HS1BP3: variants seen among roughly 807,000 people sequenced by gnomAD.
HS1BP3 encodes HCLS1-binding protein 3.
Under a neutral mutation model 33.5 loss-of-function variants are expected in HS1BP3, and 32 were observed. The observed-to-expected ratio is 0.95, with a 90% CI of 0.72 to 1.28. HS1BP3 has a LOEUF of 1.28. HS1BP3 is among the 50% of genes most tolerant of loss of function. HS1BP3 has a pLI of 0.00. For synonymous variants in HS1BP3, 187 were observed against 209.2 expected, an observed-to-expected ratio of 0.89 and a Z score of 0.92; for missense variants, 486 against 502.3, an observed-to-expected ratio of 0.97 and a Z score of 0.31.
chr2:20,640,676 G>A, intron 3 of HS1BP3: 2 of 578,206 alleles, frequency 3.5e-6, no homozygotes, highest in Non-Finnish European at 6.3e-6. Flanking sequence ...CAGTCGGGGG[G>A]TGTCGGGCAA....
At chr2:20,620,968 G>GCTGGGAAGGCCTC (rs1384306852) in intron 6 of HS1BP3, among the ~76,000 whole-genome samples, 1 of 152,252 alleles carries the variant, frequency 6.6e-6, no homozygotes, top group Non-Finnish European at 1.5e-5. Flanking sequence ...GCCAGAGCAG[G>GCTGGGAAGGCCTC]CTGGGAAGGC....
intron 5 of HS1BP3, among the ~76,000 whole-genome samples, chr2:20,565,017 G>T (rs1418724917): frequency 6.6e-6 from 1 of 152,186 alleles, no homozygotes; most frequent in Non-Finnish European, 1.5e-5. Context: ...AGTGGAGAGG[G>T]ACATTAGCAA....
chr2:20,618,933 C>T lies in HS1BP3; in HGVS notation c.*54G>A. The T allele has an allele frequency of 6.4e-7, 1 of 1,571,384 alleles. No homozygotes were observed. The highest frequency in any genetic ancestry group is 8.6e-7 in the Non-Finnish European group (1 of 1,157,886). ...CCTGCAGGGCCCAGTCCCTTCCCTT[C>T]ACACCGATGTCCCCACAGACAGGCC... On this transcript the variant is annotated 3_prime_UTR_variant, in exon 7 of 7. Transcript: ENST00000304031.
At chr2:20,597,197 T>A (rs768472792) in intron 3 of HS1BP3, among the ~76,000 whole-genome samples, 1 of 152,180 alleles carries the variant, frequency 6.6e-6, no homozygotes, top group Non-Finnish European at 1.5e-5. Context: ...TGACCTTCTC[T>A]CTGAGCCCAG....
Position 20,651,083 on chromosome 2 carries a change from G to C in HS1BP3, c.-20C>G. 2 of 1,229,938 alleles carry C rather than the reference G, an allele frequency of 1.6e-6. No homozygotes were observed. Among genetic ancestry groups the C allele is most frequent in the Non-Finnish European group, 2.0e-6 (2 of 986,594 alleles). 76.2% of individuals were successfully genotyped at this position (1,229,938 alleles called of 1,614,324 possible). A position where few individuals can be genotyped will look rare whatever the true frequency, so the allele number is the denominator to read the frequency against. Reference sequence around the variant, plus strand: ...CTGCATGACGGCGGCGGGGACTCCGGGCGGGGCGCGCAGTCACGGGACCCG... The same window carrying C: ...CTGCATGACGGCGGCGGGGACTCCGCGCGGGGCGCGCAGTCACGGGACCCG... On this transcript the variant is annotated 5_prime_UTR_variant, in exon 1 of 7. Coordinates refer to ENST00000304031, the MANE Select transcript of HS1BP3 (RefSeq NM_022460.4).
downstream of HS1BP3, among the ~76,000 whole-genome samples, chr2:20,589,879 T>C (rs1008727338): frequency 6.6e-6 from 1 of 152,108 alleles, no homozygotes; most frequent in African/African-American, 2.4e-5. Flanking sequence ...GAGGGTTTCC[T>C]GCCTCACATG....
At chr2:20,559,640 A>T (rs1162250340), downstream of HS1BP3, among the ~76,000 whole-genome samples, 1 of 125,590 alleles carries the variant, frequency 8.0e-6, no homozygotes, top group African/African-American at 2.8e-5. Context: ...GGATAGGTAG[A>T]TGGATGGATG....
chr2:20,613,053 G>A (rs2149286889), downstream of HS1BP3, among the ~76,000 whole-genome samples: 1 of 152,274 alleles, frequency 6.6e-6, no homozygotes, highest in African/African-American at 2.4e-5. Flanking sequence ...TGGGGATGGG[G>A]GGGACTGAGT....
chr2:20,616,205 T>C (rs553177192), downstream of HS1BP3, among the ~76,000 whole-genome samples: 2 of 152,330 alleles, frequency 1.3e-5, no homozygotes, highest in African/African-American at 4.8e-5. Flanking sequence ...ATGGCCAAAG[T>C]GCCTGTCCTC....
chr2:20,615,291 A>G (rs1384295488), downstream of HS1BP3, among the ~76,000 whole-genome samples: 1 of 152,232 alleles, frequency 6.6e-6, no homozygotes, highest in Non-Finnish European at 1.5e-5. Flanking sequence ...GTTTGTGCCC[A>G]CAGAACCTGG....
At chr2:20,600,235 G>A (rs1003155846) in intron 2 of HS1BP3, among the ~76,000 whole-genome samples, 1 of 152,196 alleles carries the variant, frequency 6.6e-6, no homozygotes, top group South Asian at 2.1e-4. Context: ...CACTGGCCCA[G>A]TGACCCTGCC....
At chr2:20,577,999 G>C (rs1440150316) in intron 5 of HS1BP3, among the ~76,000 whole-genome samples, 1 of 152,210 alleles carries the variant, frequency 6.6e-6, no homozygotes, top group Non-Finnish European at 1.5e-5. Context: ...TGTGGCCAGG[G>C]GCCATGGATC....
At chr2:20,575,060 C>T (rs114722139) in intron 5 of HS1BP3, among the ~76,000 whole-genome samples, 79 of 152,328 alleles carry the variant, frequency 5.2e-4, no homozygotes, top group South Asian at 1.9e-3. Context: ...TTAATGCAGA[C>T]AACGTAAACG....
chr2:20,559,206 G>T (rs1002215271), downstream of HS1BP3, among the ~76,000 whole-genome samples: 47 of 152,148 alleles, frequency 3.1e-4, no homozygotes, highest in African/African-American at 1.1e-3. Flanking sequence ...TTCCCCTCAG[G>T]GCCAGCTCAA....
At chr2:20,647,068 G>GC (rs145280568) in intron 1 of HS1BP3, among the ~76,000 whole-genome samples, 1 of 152,124 alleles carries the variant, frequency 6.6e-6, no homozygotes, top group African/African-American at 2.4e-5. Flanking sequence ...GAGGCACAGG[G>GC]GGGTGAAAGT....
intron 4 of HS1BP3, among the ~76,000 whole-genome samples, chr2:20,633,961 T>G (rs554227913): frequency 2.3e-4 from 35 of 152,336 alleles, no homozygotes; most frequent in Middle Eastern, 3.4e-3. Context: ...CCTTATGGCT[T>G]TGGGTCCCCA....
chr2:20,616,453 G>T (rs765743304), downstream of HS1BP3, among the ~76,000 whole-genome samples: 1 of 152,204 alleles, frequency 6.6e-6, no homozygotes, highest in Non-Finnish European at 1.5e-5. Flanking sequence ...TGACAGAGGC[G>T]CAGGGCCATC....
chr2:20,645,201 C>T (rs116141679), intron 2 of HS1BP3, 139 bp downstream of exon 2: 1 of 786,638 alleles, frequency 1.3e-6, no homozygotes, highest in South Asian at 1.8e-5. Flanking sequence ...CTAGCATGGT[C>T]TGGTACTCCA....
chr2:20,567,301 T>G (rs1223476409), intron 5 of HS1BP3, among the ~76,000 whole-genome samples: 2 of 152,184 alleles, frequency 1.3e-5, no homozygotes, highest in South Asian at 4.1e-4. Flanking sequence ...AAGGTGCTGC[T>G]TCTAGAACAA....
Sources: allele counts gnomAD v4.1 joint callset (sites outside exome capture counted in the v4.1 genomes callset), GRCh38; gene constraint gnomAD v4.1.1; transcripts MANE v1.5; gene names NCBI Gene and HGNC (gene_info 2026-07-23, HGNC 2026-07-21).